Variants in NEGR1 observed in about 807,000 individuals in gnomAD.
NEGR1 encodes IgLON family member 4.
In NEGR1, 10 loss-of-function variants were observed where a neutral mutation model predicts 40.9. The observed-to-expected ratio is 0.24, with a 90% CI of 0.15 to 0.42. NEGR1 has a LOEUF of 0.42. NEGR1 is among the 10% of genes least tolerant of loss of function. NEGR1 has a pLI of 1.00. For missense variants in NEGR1, 352 were observed against 438.9 expected (o/e 0.80, Z 1.77); for synonymous variants, 185 against 166.8 (o/e 1.11, Z -0.84).
chr1:71,716,944 T>G (rs1357696703), intron 3 of NEGR1, among the ~76,000 whole-genome samples: 6 of 152,170 alleles, frequency 3.9e-5, no homozygotes, highest in African/African-American at 1.4e-4. Context: ...GGGGAAGAAC[T>G]GCCTCCCCCC....
At chr1:72,241,400 T>G (rs1654739549) in intron 1 of NEGR1, among the ~76,000 whole-genome samples, 1 of 151,718 alleles carries the variant, frequency 6.6e-6, no homozygotes, top group African/African-American at 2.4e-5. Context: ...GTTAATTCTC[T>G]GTGAGAACTT....
At chr1:72,181,638 C>T (rs1475773992) in intron 1 of NEGR1, among the ~76,000 whole-genome samples, 1 of 152,088 alleles carries the variant, frequency 6.6e-6, no homozygotes, top group Admixed American at 6.6e-5. Context: ...TTCATTCCAG[C>T]ATAATTCACA....
At chr1:72,013,474 C>A (rs1646678165) in intron 1 of NEGR1, among the ~76,000 whole-genome samples, 1 of 152,044 alleles carries the variant, frequency 6.6e-6, no homozygotes, top group Non-Finnish European at 1.5e-5. Flanking sequence ...GTAAAATATT[C>A]TGGTTTTCTT....
chr1:71,423,650 T>C lies in NEGR1; in HGVS notation c.941-16080A>G, dbSNP rs777960853. The stretch of plus-strand genomic sequence containing the variant: ...TCTACTTGCCATAGATAACTTACTA[T>C]TGCAATTCCTGAGGATACGTAATTC... On this transcript the variant is annotated intron_variant, in intron 6 of 6. Transcript: ENST00000357731. 7.2e-5 allele frequency among the ~76,000 whole-genome samples: 11 copies of C among 152,172 alleles called. No homozygotes were observed. The South Asian group carries it at 1.7e-3, about 23-fold the overall frequency.
chr1:71,924,090 C>G (rs1377530843), intron 2 of NEGR1, among the ~76,000 whole-genome samples: 1 of 151,974 alleles, frequency 6.6e-6, no homozygotes, highest in Non-Finnish European at 1.5e-5. Flanking sequence ...AGGGTCTCCC[C>G]GTGTTGTCCA....
intron 3 of NEGR1, among the ~76,000 whole-genome samples, chr1:71,730,376 T>C (rs1654818901): frequency 1.3e-5 from 2 of 151,932 alleles, no homozygotes; most frequent in East Asian, 3.9e-4. Flanking sequence ...GCCAAAATGA[T>C]AGCAATGGTA....
intron 2 of NEGR1, among the ~76,000 whole-genome samples, chr1:71,838,025 T>A (rs1659104677): frequency 6.6e-6 from 1 of 152,106 alleles, no homozygotes; most frequent in South Asian, 2.1e-4. Flanking sequence ...CCTGATAACA[T>A]CCCATTTGTT....
At chr1:71,806,394 A>AT (rs1397122550) in intron 2 of NEGR1, among the ~76,000 whole-genome samples, 1 of 152,078 alleles carries the variant, frequency 6.6e-6, no homozygotes, top group Admixed American at 6.6e-5. Context: ...GATAACAAAG[A>AT]TTTTTAATAC....
intron 6 of NEGR1, among the ~76,000 whole-genome samples, chr1:71,434,545 A>G (rs1310438745): frequency 6.6e-6 from 1 of 152,082 alleles, no homozygotes; most frequent in Non-Finnish European, 1.5e-5. Context: ...GTAAAAAGTG[A>G]TTTCTCGAGG....
At chr1:71,555,297 T>C (rs1219472575) in intron 6 of NEGR1, among the ~76,000 whole-genome samples, 17 of 151,500 alleles carry the variant, frequency 1.1e-4, no homozygotes, top group Admixed American at 9.9e-4. Context: ...GAGGTAGTAA[T>C]TGGGCTAAGC....
chr1:71,980,098 G>A lies in NEGR1; in HGVS notation c.177-44787C>T, dbSNP rs541572802. Among the ~76,000 whole-genome samples the A allele has an allele frequency of 7.7e-4, 117 of 152,158 alleles. 3 individuals carry two copies. The South Asian group carries it at 0.024, about 31-fold the overall frequency. On this transcript the variant is annotated intron_variant, in intron 1 of 6. Coordinates refer to ENST00000357731, the MANE Select transcript of NEGR1 (RefSeq NM_173808.3). ...TATGCAACTGCCCAAATAACAGAAC[G>A]TGCATGCTATTTAGAAAAATGGAGA...
In NEGR1 at chr1:71,769,098, T is replaced by C. The variant is rs112127930; in HGVS notation, c.535+7074A>G. Reference sequence around the variant, plus strand: ...TTTTTTTTTTTTACAAATTACCTAGTTTCTGGTATTTTATAGCAATGGGAG... The same window carrying C: ...TTTTTTTTTTTTACAAATTACCTAGCTTCTGGTATTTTATAGCAATGGGAG... On this transcript the variant is annotated intron_variant, in intron 3 of 6. Coordinates refer to ENST00000357731, the MANE Select transcript of NEGR1 (RefSeq NM_173808.3). Among the ~76,000 whole-genome samples, 1,095 of 152,016 alleles carry C rather than the reference T, an allele frequency of 7.2e-3. 5 individuals carry two copies. Among genetic ancestry groups the C allele is most frequent in the African/African-American group, 0.025 (1,055 of 41,492 alleles).
intron 6 of NEGR1, among the ~76,000 whole-genome samples, chr1:71,585,830 C>T (rs894660731): frequency 3.3e-5 from 5 of 151,522 alleles, no homozygotes; most frequent in African/African-American, 1.2e-4. Flanking sequence ...ACCAGTGCTG[C>T]TAATTTGTCT....
chr1:72,109,071 T>A (rs1649250758), intron 1 of NEGR1, among the ~76,000 whole-genome samples: 1 of 151,592 alleles, frequency 6.6e-6, no homozygotes, highest in Non-Finnish European at 1.5e-5. Flanking sequence ...TTAATCTCAT[T>A]TCCACATAAA....
chr1:71,496,057 C>T (rs1426549288), intron 6 of NEGR1, among the ~76,000 whole-genome samples: 1 of 152,172 alleles, frequency 6.6e-6, no homozygotes, highest in African/African-American at 2.4e-5. Flanking sequence ...AGACCATCTA[C>T]ATGCTCTGCC....
intron 1 of NEGR1, among the ~76,000 whole-genome samples, chr1:72,064,623 T>C (rs1226298938): frequency 2.0e-5 from 3 of 152,082 alleles, no homozygotes; most frequent in African/African-American, 4.8e-5. Flanking sequence ...CTTCCCAGAA[T>C]GGACTTTTTA....
chr1:71,536,564 T>C (rs1647523108), intron 6 of NEGR1, among the ~76,000 whole-genome samples: 1 of 151,750 alleles, frequency 6.6e-6, no homozygotes, highest in African/African-American at 2.4e-5. Flanking sequence ...AACTCTTTTC[T>C]TTGTAAATTA....
chr1:71,617,798 CAT>C (rs761013638), intron 4 of NEGR1, among the ~76,000 whole-genome samples: 6 of 152,216 alleles, frequency 3.9e-5, no homozygotes, highest in East Asian at 1.9e-4. Flanking sequence ...ACAGAGCACA[CAT>C]GTTTTCTCTT....
At chr1:71,539,479 A>G (rs1216790022) in intron 6 of NEGR1, among the ~76,000 whole-genome samples, 5 of 151,690 alleles carry the variant, frequency 3.3e-5, no homozygotes, top group Non-Finnish European at 1.5e-5. Context: ...CACAAGATAG[A>G]CTGCATTTAT....
Sources: allele counts gnomAD v4.1 joint callset (sites outside exome capture counted in the v4.1 genomes callset), GRCh38; gene constraint gnomAD v4.1.1; transcripts MANE v1.5; gene names NCBI Gene and HGNC (gene_info 2026-07-23, HGNC 2026-07-21).